Variants in FCHSD2 observed in about 807,000 individuals in gnomAD.
The protein encoded by FCHSD2 is FCH and double SH3 domains 2, also known as F-BAR and double SH3 domains protein 2.
FCHSD2 carries 38 observed loss-of-function variants against 108.1 expected under a neutral mutation model. The observed-to-expected ratio is 0.35, with a 90% CI of 0.27 to 0.46. The LOEUF is 0.46. Among genes scored for constraint, FCHSD2 ranks in the 20% least tolerant of loss-of-function variants. The probability of loss-of-function intolerance (pLI) is 1.00; values close to 1 mark genes in which losing one functional copy is unlikely to be tolerated. For synonymous variants in FCHSD2, 279 were observed against 314.7 expected, an observed-to-expected ratio of 0.89 and a Z score of 1.20; for missense variants, 751 against 897.8, an observed-to-expected ratio of 0.84 and a Z score of 2.09.
chr11:72,911,297 C>A (rs1228465522), intron 9 of FCHSD2, among the ~76,000 whole-genome samples: 1 of 152,146 alleles, frequency 6.6e-6, no homozygotes, highest in Non-Finnish European at 1.5e-5. Context: ...GAGTTCACTG[C>A]AGATAGGTAG....
At chr11:72,942,098 G>C (rs1313359868) in intron 8 of FCHSD2, among the ~76,000 whole-genome samples, 2 of 152,222 alleles carry the variant, frequency 1.3e-5, no homozygotes, top group Non-Finnish European at 2.9e-5. Context: ...GGGCCTAGCA[G>C]GGGGTGTCTG....
chr11:73,130,288 C>T (rs1391808985), intron 2 of FCHSD2, among the ~76,000 whole-genome samples: 2 of 151,982 alleles, frequency 1.3e-5, no homozygotes, highest in African/African-American at 2.4e-5. Context: ...GCTAAGTTGC[C>T]CAGGCTGGAG....
chr11:73,005,286 A>G (rs983909334), intron 4 of FCHSD2, among the ~76,000 whole-genome samples: 10 of 152,306 alleles, frequency 6.6e-5, no homozygotes, highest in East Asian at 1.9e-4. Context: ...TGGGTCTCTC[A>G]ATTCTATCCA....
At chr11:72,890,132 A>G (rs561251597) in intron 10 of FCHSD2, among the ~76,000 whole-genome samples, 187 bp from the exon 11 acceptor site, 1 of 152,242 alleles carries the variant, frequency 6.6e-6, no homozygotes, top group Non-Finnish European at 1.5e-5. Context: ...GCATAAAACC[A>G]TTAAAGACCA....
chr11:73,109,340 T>C (rs1468543588), intron 2 of FCHSD2, among the ~76,000 whole-genome samples: 1 of 152,226 alleles, frequency 6.6e-6, no homozygotes, highest in East Asian at 1.9e-4. Flanking sequence ...CAATATTGAT[T>C]CTCCCAATCC....
intron 3 of FCHSD2, among the ~76,000 whole-genome samples, chr11:73,079,912 A>C (rs1168410051): frequency 6.6e-6 from 1 of 152,174 alleles, no homozygotes; most frequent in Admixed American, 6.5e-5. Flanking sequence ...AAATTTTAAA[A>C]ATGCATTATT....
intron 13 of FCHSD2, among the ~76,000 whole-genome samples, chr11:72,867,661 CA>C (rs1854757739): frequency 6.6e-6 from 1 of 152,104 alleles, no homozygotes; most frequent in Admixed American, 6.6e-5. Flanking sequence ...CTTCATCATA[CA>C]TTAAAAAAAA....
intron 4 of FCHSD2, among the ~76,000 whole-genome samples, chr11:73,002,890 A>G (rs183114142): frequency 6.4e-4 from 98 of 152,326 alleles, no homozygotes; most frequent in Middle Eastern, 3.4e-3. Flanking sequence ...GTTTATTAAC[A>G]TCTGTCCCTC....
chr11:73,045,988 ATTTTT>A (rs11289761), intron 3 of FCHSD2, among the ~76,000 whole-genome samples: 1 of 136,676 alleles, frequency 7.3e-6, no homozygotes, highest in Admixed American at 7.3e-5. Context: ...AATTTCAGTA[ATTTTT>A]TTTTTTTTTT....
chr11:72,909,083 G>A (rs1386851557), intron 9 of FCHSD2, among the ~76,000 whole-genome samples: 1 of 151,722 alleles, frequency 6.6e-6, no homozygotes, highest in African/African-American at 2.4e-5. Context: ...GTCTCCCTCT[G>A]TTGCCGATAC....
At chr11:73,117,571 G>A (rs1031054576) in intron 2 of FCHSD2, among the ~76,000 whole-genome samples, 2 of 152,162 alleles carry the variant, frequency 1.3e-5, no homozygotes, top group African/African-American at 4.8e-5. Context: ...GTGGTATTTA[G>A]TAATTCTCAT....
chr11:73,053,885 T>C (rs1468999164), intron 3 of FCHSD2, among the ~76,000 whole-genome samples: 1 of 152,216 alleles, frequency 6.6e-6, no homozygotes, highest in African/African-American at 2.4e-5. Flanking sequence ...AAATTATAGA[T>C]TGAAATGTAA....
At chr11:72,872,804 T>C (rs970700314) in intron 12 of FCHSD2, among the ~76,000 whole-genome samples, 1 of 152,206 alleles carries the variant, frequency 6.6e-6, no homozygotes, top group South Asian at 2.1e-4. Context: ...TTTGGGTTTA[T>C]ATGTAGGGCT....
At chr11:73,059,621 C>G (rs1859114719) in intron 3 of FCHSD2, among the ~76,000 whole-genome samples, 1 of 152,114 alleles carries the variant, frequency 6.6e-6, no homozygotes, top group Non-Finnish European at 1.5e-5. Flanking sequence ...CAAAATTAGT[C>G]TATGAAAATT....
intron 2 of FCHSD2, among the ~76,000 whole-genome samples, chr11:73,106,148 A>T: frequency 6.6e-6 from 1 of 152,178 alleles, no homozygotes; most frequent in Non-Finnish European, 1.5e-5. Flanking sequence ...CCCTTATTGG[A>T]CCTCGGAGGA....
intron 13 of FCHSD2, among the ~76,000 whole-genome samples, chr11:72,853,910 A>C (rs1388408145): frequency 6.6e-6 from 1 of 152,186 alleles, no homozygotes; most frequent in Non-Finnish European, 1.5e-5. Flanking sequence ...TGGGCAAAAG[A>C]TTTGAAGAGA....
At chr11:73,112,764 T>TA (rs1183203115) in intron 2 of FCHSD2, among the ~76,000 whole-genome samples, 30 of 152,204 alleles carry the variant, frequency 2.0e-4, no homozygotes, top group African/African-American at 7.2e-4. Flanking sequence ...TTCTCCTGCC[T>TA]CAGCCTCCTG....
chr11:73,055,205 G>C (rs1471150023), intron 3 of FCHSD2, among the ~76,000 whole-genome samples: 1 of 152,054 alleles, frequency 6.6e-6, no homozygotes, highest in Non-Finnish European at 1.5e-5. Context: ...ACCTCCCACA[G>C]GGTGCCTCCT....
At chr11:72,850,408 C>G (rs573771308) in intron 13 of FCHSD2, among the ~76,000 whole-genome samples, 1 of 150,998 alleles carries the variant, frequency 6.6e-6, no homozygotes, top group South Asian at 2.1e-4. Context: ...GACGGAGTCT[C>G]GCTCTGTTGC....
Sources: allele counts gnomAD v4.1 joint callset (sites outside exome capture counted in the v4.1 genomes callset), GRCh38; gene constraint gnomAD v4.1.1; transcripts MANE v1.5; gene names NCBI Gene and HGNC (gene_info 2026-07-23, HGNC 2026-07-21).